The following NCOA2 variants were observed in gnomAD, a reference collection of about 807,000 sequenced individuals.
The protein encoded by NCOA2 is class E basic helix-loop-helix protein 75.
A neutral mutation model predicts 145.1 loss-of-function variants in NCOA2; 21 were observed. The ratio of observed to expected loss-of-function variants is 0.14; its 90% CI spans 0.10 to 0.21. The LOEUF (loss-of-function observed/expected upper bound fraction) is 0.21, where lower values mean the gene tolerates loss of function less well. NCOA2 is among the 10% of genes least tolerant of loss of function. NCOA2 has a pLI of 1.00. For synonymous variants in NCOA2, 619 were observed against 637.5 expected (o/e 0.97, Z 0.44); for missense variants, 1,472 against 1,837.6 (o/e 0.80, Z 3.64).
intron 2 of NCOA2, among the ~76,000 whole-genome samples, chr8:70,262,907 A>G (rs914005775): frequency 6.6e-6 from 1 of 152,136 alleles, no homozygotes; most frequent in Non-Finnish European, 1.5e-5. Flanking sequence ...TAGACACAGT[A>G]AGAGATTAAC....
chr8:70,282,012 A>G (rs1002108058), intron 2 of NCOA2, among the ~76,000 whole-genome samples: 1 of 152,242 alleles, frequency 6.6e-6, no homozygotes, highest in African/African-American at 2.4e-5. Flanking sequence ...TATAGTCTGT[A>G]GGAATATCAT....
intron 1 of NCOA2, among the ~76,000 whole-genome samples, chr8:70,351,471 T>A (rs1228245216): frequency 6.6e-6 from 1 of 152,152 alleles, no homozygotes; most frequent in African/African-American, 2.4e-5. Flanking sequence ...ATATCCCTAT[T>A]TTTTCATCCC....
At chr8:70,380,761 C>G (rs912477481) in intron 1 of NCOA2, among the ~76,000 whole-genome samples, 2 of 151,754 alleles carry the variant, frequency 1.3e-5, no homozygotes, top group Non-Finnish European at 2.9e-5. Context: ...ATATACCACA[C>G]GAAATTTTCT....
chr8:70,179,494 T>G (rs1815238699), intron 4 of NCOA2, among the ~76,000 whole-genome samples: 1 of 152,180 alleles, frequency 6.6e-6, no homozygotes, highest in South Asian at 2.1e-4. Context: ...ACCGGACATA[T>G]ACTGGTATCT....
intron 2 of NCOA2, chr8:70,273,613 C>A (rs1825239143): frequency 1.3e-6 from 1 of 741,592 alleles, no homozygotes; most frequent in Non-Finnish European, 2.4e-6. Context: ...TGGCAGTGAA[C>A]ACTTTCACCA....
At chr8:70,151,012 C>T (rs1381339624) in intron 11 of NCOA2, among the ~76,000 whole-genome samples, 1 of 152,128 alleles carries the variant, frequency 6.6e-6, no homozygotes, top group Non-Finnish European at 1.5e-5. Flanking sequence ...AAACCAGTTT[C>T]CCTACTACAA....
upstream of NCOA2, among the ~76,000 whole-genome samples, chr8:70,408,283 A>G (rs1437798000): frequency 1.3e-5 from 2 of 152,242 alleles, no homozygotes; most frequent in Admixed American, 6.5e-5. Context: ...ACAAAATTCA[A>G]AAGAATCCAT....
At chr8:70,394,925 G>C (rs60671860) in intron 1 of NCOA2, among the ~76,000 whole-genome samples, 4 of 152,288 alleles carry the variant, frequency 2.6e-5, no homozygotes, top group African/African-American at 9.6e-5. Context: ...TGGGTTAAGC[G>C]ATCTTAACAC....
intron 4 of NCOA2, among the ~76,000 whole-genome samples, chr8:70,179,400 T>C (rs1363399509): frequency 1.3e-5 from 2 of 152,098 alleles, no homozygotes; most frequent in Admixed American, 6.6e-5. Context: ...CAGTTGAGCC[T>C]TGATATTATA....
chr8:70,224,127 TG>T (rs1554599626), intron 2 of NCOA2, among the ~76,000 whole-genome samples: 1 of 152,232 alleles, frequency 6.6e-6, no homozygotes, highest in Non-Finnish European at 1.5e-5. Flanking sequence ...CCTGTCCTCC[TG>T]CAGCTCACAT....
chr8:70,139,933 G>A (rs1382761953), intron 14 of NCOA2, among the ~76,000 whole-genome samples: 1 of 151,896 alleles, frequency 6.6e-6, no homozygotes, highest in East Asian at 1.9e-4. Flanking sequence ...GCATCTTTTT[G>A]TGAATTATTT....
chr8:70,291,165 T>C (rs1045386402), intron 2 of NCOA2, among the ~76,000 whole-genome samples: 3 of 152,148 alleles, frequency 2.0e-5, no homozygotes, highest in African/African-American at 4.8e-5. Flanking sequence ...CAAACAGATA[T>C]GTATTTTATT....
intron 12 of NCOA2, among the ~76,000 whole-genome samples, chr8:70,145,150 TTCTCTC>T (rs147559333): frequency 1.3e-3 from 201 of 151,666 alleles, no homozygotes; most frequent in African/African-American, 4.7e-3. Context: ...CATTCATTCA[TTCTCTC>T]TCTCTCTTTT....
chr8:70,444,811 AT>A, the NCOA2 span, among the ~76,000 whole-genome samples: 2 of 151,986 alleles, frequency 1.3e-5, no homozygotes, highest in African/African-American at 4.9e-5. Context: ...AAACATTAAT[AT>A]TATTTTTAAT....
At chr8:70,229,369 A>G (rs931010183) in intron 2 of NCOA2, among the ~76,000 whole-genome samples, 1 of 152,234 alleles carries the variant, frequency 6.6e-6, no homozygotes, top group Non-Finnish European at 1.5e-5. Flanking sequence ...CAAAGTGCTA[A>G]CGAAGGAAAA....
intron 5 of NCOA2, among the ~76,000 whole-genome samples, chr8:70,171,420 C>A (rs1814241463): frequency 6.6e-6 from 1 of 152,150 alleles, no homozygotes; most frequent in South Asian, 2.1e-4. Context: ...TCAGTACAGT[C>A]CTCTACTCTA....
chr8:70,216,636 T>C, intron 3 of NCOA2, 24 bp downstream of exon 3: 1 of 1,566,868 alleles, frequency 6.4e-7, no homozygotes, highest in Non-Finnish European at 8.8e-7. Context: ...CAATACTGAT[T>C]CCTTTTCTCA....
the NCOA2 span, among the ~76,000 whole-genome samples, chr8:70,429,265 A>T: frequency 2.0e-5 from 3 of 152,212 alleles, no homozygotes; most frequent in African/African-American, 7.2e-5. Flanking sequence ...ACCAACCTTC[A>T]AGATTGCTCC....
chr8:70,383,314 T>A (rs986990003), intron 1 of NCOA2, among the ~76,000 whole-genome samples: 1 of 152,200 alleles, frequency 6.6e-6, no homozygotes, highest in African/African-American at 2.4e-5. Context: ...TTTTGTTTAA[T>A]CCCTTGACCT....
Sources: allele counts gnomAD v4.1 joint callset (sites outside exome capture counted in the v4.1 genomes callset), GRCh38; gene constraint gnomAD v4.1.1; transcripts MANE v1.5; gene names NCBI Gene and HGNC (gene_info 2026-07-23, HGNC 2026-07-21).